The following RIMS1 variants were observed in gnomAD, a reference collection of about 807,000 sequenced individuals.
RIMS1 encodes the protein regulating synaptic membrane exocytosis protein 1.
A neutral mutation model predicts 214.1 loss-of-function variants in RIMS1; 83 were observed. The observed-to-expected ratio is 0.39, with a 90% CI of 0.32 to 0.47. The LOEUF is 0.47. Among genes scored for constraint, RIMS1 ranks in the 20% least tolerant of loss-of-function variants. RIMS1 has a pLI of 0.99. For missense variants in RIMS1, 2,050 were observed against 2,161.8 expected (o/e 0.95, Z 1.03); for synonymous variants, 793 against 786.8 (o/e 1.01, Z -0.13).
intron 4 of RIMS1, among the ~76,000 whole-genome samples, chr6:72,171,779 A>T (rs912964037): frequency 6.6e-6 from 1 of 152,172 alleles, no homozygotes; most frequent in Non-Finnish European, 1.5e-5. Flanking sequence ...TTCAGTAAAC[A>T]TGTTGAGACG....
intron 1 of RIMS1, among the ~76,000 whole-genome samples, chr6:71,901,571 A>G (rs1271168919): frequency 6.6e-6 from 1 of 152,112 alleles, no homozygotes; most frequent in Non-Finnish European, 1.5e-5. Flanking sequence ...AGGGAAAGCT[A>G]ATCTATGGTG....
intron 2 of RIMS1, among the ~76,000 whole-genome samples, chr6:72,092,287 C>CCTTCCTTCCTTCCTTCCTT (rs1554220960): frequency 1.9e-4 from 11 of 57,838 alleles, no homozygotes; most frequent in Non-Finnish European, 4.7e-4. Context: ...CTCCCTCCCT[C>CCTTCCTTCCTTCCTTCCTT]CCTCCCTTCC....
At chr6:72,367,642 A>T (rs1196568229) in intron 29 of RIMS1, among the ~76,000 whole-genome samples, 1 of 152,204 alleles carries the variant, frequency 6.6e-6, no homozygotes, top group Non-Finnish European at 1.5e-5. Context: ...GCTGAAATTG[A>T]AAGTGTACAG....
At chr6:72,017,371 A>G (rs1020719626) in intron 2 of RIMS1, among the ~76,000 whole-genome samples, 1 of 152,206 alleles carries the variant, frequency 6.6e-6, no homozygotes. Context: ...TAAAAACTAT[A>G]CTTTGCTTCT....
chr6:72,163,501 C>T lies in RIMS1; in HGVS notation c.472-16074C>T, dbSNP rs563119631. On this transcript the variant is annotated intron_variant, in intron 4 of 33. Transcript: ENST00000521978. ...CAGTTTTTCTGCTCTGGTTTTTCCC[C>T]ACCTTTGTGGTTTTATCTACCTTTG... is the stretch of plus-strand genomic sequence containing the variant. Among the ~76,000 whole-genome samples the T allele has an allele frequency of 1.0e-3, 147 of 140,934 alleles. 35 individuals are homozygous for T. The highest frequency in any genetic ancestry group is 7.1e-3 in the Middle Eastern group (2 of 282). 92.5% of individuals were successfully genotyped at this position (140,934 alleles called of 152,430 possible).
At chr6:72,047,426 A>AC (rs975937591) in intron 2 of RIMS1, among the ~76,000 whole-genome samples, 6 of 152,150 alleles carry the variant, frequency 3.9e-5, no homozygotes, top group African/African-American at 1.4e-4. Flanking sequence ...ATCACATTAG[A>AC]CATTGCTGAG....
Position 71,972,607 on chromosome 6 carries a change from C to A in RIMS1, c.245+3544C>A, listed in dbSNP as rs1796131670. ...ACTCAGTCATATTTTAAGCATGCTGCCTGAGTTGTCATCACTTAATCAAAG... is the reference window on the plus strand; with the variant it reads ...ACTCAGTCATATTTTAAGCATGCTGACTGAGTTGTCATCACTTAATCAAAG... On this transcript the variant is annotated intron_variant, in intron 2 of 33. Coordinates refer to ENST00000521978, the MANE Select transcript of RIMS1 (RefSeq NM_014989.7). Among the ~76,000 whole-genome samples, 2 of 152,034 alleles carry A rather than the reference C, an allele frequency of 1.3e-5. 1 individual carries two copies. Among genetic ancestry groups the A allele is most frequent in the African/African-American group, 4.8e-5 (2 of 41,394 alleles).
At chr6:72,187,102 G>A (rs1765003663) in intron 6 of RIMS1, among the ~76,000 whole-genome samples, 1 of 152,118 alleles carries the variant, frequency 6.6e-6, no homozygotes, top group Non-Finnish European at 1.5e-5. Context: ...CTCCAGCCTG[G>A]GCGATAGAGC....
At chr6:72,229,739 C>A (rs1399208715) in intron 6 of RIMS1, among the ~76,000 whole-genome samples, 3 of 151,786 alleles carry the variant, frequency 2.0e-5, no homozygotes, top group African/African-American at 7.3e-5. Flanking sequence ...AAGAGTTTAT[C>A]TTAGTTCTTA....
chr6:72,326,025 A>G (rs1179007433), intron 28 of RIMS1, among the ~76,000 whole-genome samples: 1 of 151,848 alleles, frequency 6.6e-6, no homozygotes, highest in East Asian at 1.9e-4. Flanking sequence ...ATTGATCCAG[A>G]TGTAAGTGTA....
Position 72,261,159 on chromosome 6 carries a change from T to A in RIMS1, c.3116+392T>A. 3.9e-6 allele frequency: 4 copies of A among 1,032,678 alleles called. No individual in the cohort carries two copies. In the South Asian group the frequency reaches 1.1e-4, roughly 28 times the overall value. The allele number at this position is 1,032,678 out of a possible 1,614,324, so 64.0% of individuals were successfully genotyped here. A position where few individuals can be genotyped will look rare whatever the true frequency, so the allele number is the denominator to read the frequency against. On this transcript the variant is annotated intron_variant, in intron 19 of 33. Transcript: ENST00000521978. ...TATGGCAGTGTCATTGTTTCATAATTGTAAGTTTGCTCTGTTTTAGCCTTT... is the reference window on the plus strand; with the variant it reads ...TATGGCAGTGTCATTGTTTCATAATAGTAAGTTTGCTCTGTTTTAGCCTTT...
intron 2 of RIMS1, among the ~76,000 whole-genome samples, chr6:72,083,547 C>T (rs1305835634): frequency 6.6e-6 from 1 of 152,164 alleles, no homozygotes; most frequent in Non-Finnish European, 1.5e-5. Context: ...GCCACTCATA[C>T]TGATCCCCAT....
chr6:71,962,880 T>C (rs986224098), intron 1 of RIMS1, among the ~76,000 whole-genome samples: 1 of 152,138 alleles, frequency 6.6e-6, no homozygotes, highest in Admixed American at 6.6e-5. Flanking sequence ...CCAGATAATT[T>C]GTCTTGCATT....
intron 6 of RIMS1, among the ~76,000 whole-genome samples, chr6:72,208,492 A>G (rs2053293985): frequency 6.6e-6 from 1 of 152,194 alleles, no homozygotes; most frequent in Non-Finnish European, 1.5e-5. Context: ...TTGGCTTTGT[A>G]AATTGGAATC....
chr6:72,241,815 C>T (rs1289698281), intron 9 of RIMS1, among the ~76,000 whole-genome samples: 1 of 152,164 alleles, frequency 6.6e-6, no homozygotes, highest in Non-Finnish European at 1.5e-5. Context: ...GGTGAAGACA[C>T]TGAAGCATGA....
chr6:72,279,826 C>T (rs1344835096), intron 23 of RIMS1, among the ~76,000 whole-genome samples: 1 of 151,742 alleles, frequency 6.6e-6, no homozygotes, highest in African/African-American at 2.4e-5. Context: ...ACTAAGTTTC[C>T]TCATCTCTAA....
chr6:71,887,519 A>T (rs890236169), intron 1 of RIMS1, among the ~76,000 whole-genome samples: 3 of 152,052 alleles, frequency 2.0e-5, no homozygotes, highest in African/African-American at 4.8e-5. Context: ...ACCCAAGTGG[A>T]AGGTCCCTGG....
At chr6:71,957,927 T>C (rs1391826590) in intron 1 of RIMS1, among the ~76,000 whole-genome samples, 2 of 152,062 alleles carry the variant, frequency 1.3e-5, no homozygotes, top group Non-Finnish European at 2.9e-5. Context: ...TTCAAGGAAA[T>C]AAAATGGTTT....
intron 1 of RIMS1, among the ~76,000 whole-genome samples, chr6:71,957,867 A>G (rs1791753051): frequency 6.6e-6 from 1 of 151,698 alleles, no homozygotes; most frequent in African/African-American, 2.4e-5. Context: ...TGTTGTTTTT[A>G]TCTGTATTTG....
Sources: gnomAD v4.1 joint callset for allele counts (sites outside exome capture counted in the v4.1 genomes callset) on GRCh38, gnomAD v4.1.1 for gene constraint, MANE v1.5 for transcripts, NCBI Gene and HGNC (gene_info 2026-07-23, HGNC 2026-07-21) for gene names.